SENP2: variants seen among roughly 807,000 people sequenced by gnomAD.
The protein encoded by SENP2 is SUMO specific peptidase 2.
A neutral mutation model predicts 86.3 loss-of-function variants in SENP2; 16 were observed. The observed-to-expected ratio is 0.19, with a 90% confidence interval of 0.13 to 0.28. The LOEUF (loss-of-function observed/expected upper bound fraction) is 0.28. Ranked by LOEUF, SENP2 falls within the 10% of genes least tolerant of loss-of-function variation. SENP2 has a pLI of 1.00. For synonymous variants in SENP2, 222 were observed against 238.7 expected (o/e 0.93, Z 0.64); for missense variants, 552 against 703.0 (o/e 0.79, Z 2.43).
intron 13 of SENP2, among the ~76,000 whole-genome samples, chr3:185,619,708 A>G (rs1330485951): frequency 1.3e-5 from 2 of 151,716 alleles, no homozygotes; most frequent in East Asian, 1.9e-4. Context: ...TCTTTAAAAA[A>G]TTTTATGTTT....
intron 4 of SENP2, among the ~76,000 whole-genome samples, chr3:185,599,853 A>C (rs866887220): frequency 3.5e-4 from 48 of 138,112 alleles, no homozygotes; most frequent in African/African-American, 1.3e-3. Flanking sequence ...CTTGTTGCCC[A>C]GGCTGGAGTG....
At chr3:185,627,036 G>T (rs572688415) in intron 16 of SENP2, among the ~76,000 whole-genome samples, 75 of 141,786 alleles carry the variant, frequency 5.3e-4, no homozygotes, top group African/African-American at 2.0e-3. Flanking sequence ...CCGAGATCGT[G>T]CCATTGCACT....
chr3:185,599,947 C>G (rs540198747), intron 4 of SENP2, among the ~76,000 whole-genome samples: 1 of 151,674 alleles, frequency 6.6e-6, no homozygotes, highest in Non-Finnish European at 1.5e-5. Context: ...TACAGGCATG[C>G]GCCACCACCC....
chr3:185,626,412 C>T lies in SENP2; in HGVS notation c.1707+19C>T, dbSNP rs2148996202. ...TACTCAGGTGAGTGAAGACCCTCTT[C>T]ATCCATTTACTTGTTACTAAGCAAG... On this transcript the variant is annotated intron_variant, in intron 16 of 16. Transcript: ENST00000296257. 2 of 1,517,030 alleles carry T rather than the reference C, an allele frequency of 1.3e-6. No homozygotes were observed. Among genetic ancestry groups the T allele is most frequent in the Non-Finnish European group, 1.8e-6 (2 of 1,094,214 alleles). 94.0% of individuals were successfully genotyped at this position (1,517,030 alleles called of 1,614,324 possible).
chr3:185,586,553 C>G lies in SENP2; in HGVS notation c.101+39C>G. 1 of 1,575,382 alleles carries G rather than the reference C, an allele frequency of 6.3e-7. No individual in the cohort carries two copies. The highest frequency in any genetic ancestry group is 1.1e-5 in the South Asian group (1 of 90,444). ...GGGCTGAGCGCCAGCCTGGCCTTAC[C>G]CCCTCCCCCACAGCGGGCTCCTCGG... On this transcript the variant is annotated intron_variant, in intron 1 of 16. Transcript: ENST00000296257. The surrounding 1 kb of genome is among the most constrained non-coding windows in gnomAD (Gnocchi z 4.3).
rs63707460 is a variant in SENP2, at chr3:185,623,826, C to CAAAAAAAAA, written c.1527-156_1527-148dup. ...TGGGCGACAGAGCGAGACTCTGTCT[C>CAAAAAAAAA]AAAAAAAAAAAAAAAAAAAAAAAAT... On this transcript the variant is annotated intron_variant, in intron 14 of 16. Coordinates refer to ENST00000296257, the MANE Select transcript of SENP2 (RefSeq NM_021627.3). 1.3e-3 allele frequency among the ~76,000 whole-genome samples: 60 copies of CAAAAAAAAA among 47,780 alleles called. 3 individuals carry two copies. The highest frequency in any genetic ancestry group is 4.5e-3 in the African/African-American group (58 of 12,818). The allele number at this position is 47,780 out of a possible 152,430, so 31.3% of individuals were successfully genotyped here. A position where few individuals can be genotyped will look rare whatever the true frequency, so the allele number is the denominator to read the frequency against.
At chr3:185,618,742 G>A (rs1355153883) in intron 12 of SENP2, among the ~76,000 whole-genome samples, 2 of 152,014 alleles carry the variant, frequency 1.3e-5, no homozygotes, top group Non-Finnish European at 2.9e-5. Context: ...AGCCAGGCAT[G>A]GTGGCGGGTA....
Position 185,614,689 on chromosome 3 carries a change from C to G in SENP2, c.1059C>G (p.Cys353Trp), listed in dbSNP as rs1192507993. The G allele has an allele frequency of 1.9e-6, 3 of 1,614,050 alleles. No homozygotes were observed. The highest frequency in any genetic ancestry group is 2.5e-6 in the Non-Finnish European group (3 of 1,180,034). The change falls in exon 11 of 17, where the codon TGC becomes TGG. Residue 353 changes from cysteine to tryptophan, a missense_variant. Cys to Trp is a radical substitution (Grantham distance 215). Around this residue, in one of 2 missense-constraint regions of SENP2, gnomAD observed 383 missense variants for 427.3 expected, o/e 0.90. Transcript: ENST00000296257. ...TAATTGAGACAAAGGAAAAGAATTG[C>G]TCAGGCAAAGAGAGGGACAGAAGAA... ...VSIIETKEKN[C>W]SGKERDRRTD... is the part of the protein sequence containing the mutation.
rs751925604 is a variant in SENP2 at position 185,590,177 on chromosome 3, A to G, written c.157+8A>G. 6 of 1,496,080 alleles carry G rather than the reference A, an allele frequency of 4.0e-6. No individual in the cohort carries two copies. The South Asian group carries it at 5.4e-5, about 13-fold the overall frequency. 92.7% of individuals were successfully genotyped at this position (1,496,080 alleles called of 1,614,324 possible). A position where few individuals can be genotyped will look rare whatever the true frequency, so the allele number is the denominator to read the frequency against. ...CCAAAAGACCAAGATTAGGTACTGA[A>G]TATAAATTTTAAAAATTTTTAGTTT... On this transcript the variant is annotated splice_region_variant and intron_variant, in intron 2 of 16. Coordinates refer to ENST00000296257, the MANE Select transcript of SENP2 (RefSeq NM_021627.3).
At position 185,590,125 on chromosome 3, in the gene SENP2, C is replaced by T. The variant is rs1721927277; in HGVS notation, c.113C>T (p.Ser38Phe). Reference sequence around the variant, plus strand: ...TTTCTCTTTTTCAGCACTCTGTTTTCTACAGTGGACACTGATGAAATACCA... The same window carrying T: ...TTTCTCTTTTTCAGCACTCTGTTTTTTACAGTGGACACTGATGAAATACCA... The part of the protein sequence containing the change: ...KRRRSDSTLF[S>F]TVDTDEIPAK... The change falls in exon 2 of 17, where the codon TCT (serine) becomes TTT (phenylalanine). Residue 38 changes from serine (S) to phenylalanine (F), a missense_variant. This residue lies in a region of SENP2 where 383 missense variants were observed against 427.3 expected (regional missense o/e 0.90). Coordinates refer to ENST00000296257, the MANE Select transcript of SENP2 (RefSeq NM_021627.3). The T allele has an allele frequency of 1.3e-6, 2 of 1,529,646 alleles. No individual in the cohort carries two copies. The highest frequency in any genetic ancestry group is 1.4e-5 in the African/African-American group (1 of 71,314). 94.8% of individuals were successfully genotyped at this position (1,529,646 alleles called of 1,614,324 possible).
intron 10 of SENP2, 99 bp from the exon 11 acceptor site, chr3:185,614,465 T>C: frequency 8.7e-7 from 1 of 1,145,112 alleles, no homozygotes; most frequent in Non-Finnish European, 1.2e-6. Flanking sequence ...AATTCTCTTT[T>C]CTTTCACATT....
At chr3:185,620,737 C>T (rs1301700249) in intron 13 of SENP2, among the ~76,000 whole-genome samples, 2 of 152,088 alleles carry the variant, frequency 1.3e-5, no homozygotes, top group African/African-American at 2.4e-5. Flanking sequence ...GCCACCGCAC[C>T]TGGCCGAGGA....
At chr3:185,614,452 G>C in intron 10 of SENP2, 112 bp from the exon 11 acceptor site, 1 of 1,048,352 alleles carries the variant, frequency 9.5e-7, no homozygotes, top group Non-Finnish European at 1.4e-6. Flanking sequence ...TGGGGGATTT[G>C]CTAATTCTCT....
In SENP2 at chr3:185,614,871, G is replaced by A. The variant is rs1300395138; in HGVS notation, c.1110+131G>A. 1.5e-5 allele frequency: 12 copies of A among 796,610 alleles called. No individual in the cohort carries two copies. In the South Asian group the frequency reaches 1.6e-4, roughly 11 times the overall value. 49.3% of individuals were successfully genotyped at this position (796,610 alleles called of 1,614,324 possible). On this transcript the variant is annotated intron_variant, in intron 11 of 16. Transcript: ENST00000296257. ...ATATATGAAAACATGTCAGGTCCAT[G>A]GTCTGTTGATTCACTTTGACTACAT... is the stretch of plus-strand genomic sequence containing the variant.
chr3:185,589,075 T>C (rs1227071071), intron 1 of SENP2, among the ~76,000 whole-genome samples: 1 of 140,780 alleles, frequency 7.1e-6, no homozygotes, highest in Non-Finnish European at 1.5e-5. Context: ...ATTCTATTCA[T>C]TTTTTTTTTT....
At chr3:185,607,954 C>T (rs191678357) in intron 6 of SENP2, among the ~76,000 whole-genome samples, 1 of 152,248 alleles carries the variant, frequency 6.6e-6, no homozygotes, top group East Asian at 1.9e-4. Flanking sequence ...TTTTACTTTC[C>T]TTTTGAGGTT....
intron 16 of SENP2, among the ~76,000 whole-genome samples, chr3:185,628,420 T>A (rs552763848): frequency 1.3e-4 from 20 of 150,942 alleles, no homozygotes; most frequent in South Asian, 6.3e-4. Context: ...TACAGGCATG[T>A]GCCACCACGC....
chr3:185,613,827 C>CAA (rs58192571), intron 10 of SENP2, among the ~76,000 whole-genome samples: 34 of 48,404 alleles, frequency 7.0e-4, no homozygotes, highest in African/African-American at 1.0e-3. Context: ...GACTCTGTCT[C>CAA]AAAAAAAAAA....
chr3:185,617,022 T>C (rs1056596497), intron 11 of SENP2, among the ~76,000 whole-genome samples: 1 of 152,200 alleles, frequency 6.6e-6, no homozygotes, highest in African/African-American at 2.4e-5. Context: ...TGACTCATAG[T>C]GGTTAATACG....
Sources: allele counts gnomAD v4.1 joint callset (sites outside exome capture counted in the v4.1 genomes callset), GRCh38; gene constraint gnomAD v4.1.1; regional missense constraint gnomAD v4.1.1; non-coding constraint Gnocchi (gnomAD v3.1); transcripts MANE v1.5; gene names NCBI Gene and HGNC (gene_info 2026-07-23, HGNC 2026-07-21).